The following FRRS1 variants were observed in gnomAD, a reference collection of about 807,000 sequenced individuals.
FRRS1 encodes ferric reductase 1.
FRRS1 carries 51 observed loss-of-function variants against 70.7 expected under a neutral mutation model. The ratio of observed to expected loss-of-function variants is 0.72; its 90% CI spans 0.58 to 0.91. FRRS1 has a LOEUF of 0.91. Ranked by LOEUF, FRRS1 falls within the 40% of genes least tolerant of loss-of-function variation. The pLI is 0.00. For synonymous variants in FRRS1, 225 were observed against 238.7 expected (o/e 0.94, Z 0.53); for missense variants, 672 against 726.0 (o/e 0.93, Z 0.86).
intron 3 of FRRS1, 32 bp downstream of exon 3, chr1:99,748,541 C>A: frequency 3.3e-6 from 5 of 1,531,144 alleles, no homozygotes; most frequent in Admixed American, 1.8e-5. Flanking sequence ...GAGTGAAATC[C>A]AAAATGTAAA....
In FRRS1 at chr1:99,747,743, C is replaced by T. The variant is rs571665965; in HGVS notation, c.197-313G>A. 72 of 202,726 alleles carry T rather than the reference C, an allele frequency of 3.6e-4. 1 individual carries two copies. The South Asian group carries it at 6.5e-3, about 18-fold the overall frequency. 12.6% of individuals were successfully genotyped at this position (202,726 alleles called of 1,614,324 possible). On this transcript the variant is annotated intron_variant, in intron 3 of 16. Transcript: ENST00000646001. ...TAGATGATACCAATTGGGTACTATG[C>T]TTATCACCTGAGTGATGAAATAATC...
rs1655182524 is a variant in FRRS1 at position 99,728,578 on chromosome 1, TC to T, written c.920del (p.Arg307LysfsTer14). On this transcript the variant is annotated frameshift_variant, in exon 9 of 17. Transcript: ENST00000646001. LOFTEE classifies it high-confidence loss of function. Reference sequence around the variant, plus strand: ...TCTTAACTCCAGGAAGGGTAATGTTTCTTCTGAAAGAACACTGCATAACACC... The same window carrying T: ...TCTTAACTCCAGGAAGGGTAATGTTTTTCTGAAAGAACACTGCATAACACC... ...ADGVMQCSFRRNITLPGVKNR... is the reference protein window; with the variant it reads ...ADGVMQCSFRXNITLPGVKNR... The T allele has an allele frequency of 6.2e-7, 1 of 1,613,758 alleles. No homozygotes were observed. The highest frequency in any genetic ancestry group is 8.5e-7 in the Non-Finnish European group (1 of 1,179,776).
chr1:99,755,715 A>G (rs1229486507), intron 1 of FRRS1, among the ~76,000 whole-genome samples: 5 of 152,224 alleles, frequency 3.3e-5, no homozygotes, highest in Non-Finnish European at 5.9e-5. Context: ...CAAGTGAACC[A>G]GAAGACATTC....
chr1:99,720,651 T>C (rs1356524585), intron 9 of FRRS1, among the ~76,000 whole-genome samples: 1 of 152,136 alleles, frequency 6.6e-6, no homozygotes, highest in African/African-American at 2.4e-5. Flanking sequence ...GGGGGAAAAT[T>C]GTCCACCTAG....
At chr1:99,740,210 A>T (rs918679788) in intron 6 of FRRS1, among the ~76,000 whole-genome samples, 4 of 144,326 alleles carry the variant, frequency 2.8e-5, no homozygotes, top group Admixed American at 1.4e-4. Context: ...GGCTGTGTTT[A>T]AAAGAAAGAA....
At chr1:99,726,297 C>T (rs1257880257) in intron 9 of FRRS1, among the ~76,000 whole-genome samples, 2 of 152,196 alleles carry the variant, frequency 1.3e-5, no homozygotes, top group Admixed American at 1.3e-4. Context: ...GGCTGTGGAA[C>T]TGTGAATCAA....
At chr1:99,756,268 G>T (rs1349239437) in intron 1 of FRRS1, among the ~76,000 whole-genome samples, 1 of 152,126 alleles carries the variant, frequency 6.6e-6, no homozygotes, top group African/African-American at 2.4e-5. Context: ...AAGACAGAGA[G>T]ATTTACTATT....
At position 99,707,819 on chromosome 1, in the gene FRRS1, C is replaced by T. The variant is rs938831877; in HGVS notation, c.*1209G>A. Among the ~76,000 whole-genome samples the T allele has an allele frequency of 1.3e-5, 2 of 152,196 alleles. No homozygotes were observed. The highest frequency in any genetic ancestry group is 4.8e-5 in the African/African-American group (2 of 41,458). On this transcript the variant is annotated 3_prime_UTR_variant, in exon 17 of 17. Coordinates refer to ENST00000646001, the MANE Select transcript of FRRS1 (RefSeq NM_001361041.2). Reference sequence around the variant, plus strand: ...TGAATTCTTGAAATAAGGAATATAACACTGACTATTCTGATTCAGTAGAAC... The same window carrying T: ...TGAATTCTTGAAATAAGGAATATAATACTGACTATTCTGATTCAGTAGAAC...
At chr1:99,738,910 A>G (rs551135408) in intron 6 of FRRS1, among the ~76,000 whole-genome samples, 1 of 152,338 alleles carries the variant, frequency 6.6e-6, no homozygotes, top group East Asian at 1.9e-4. Context: ...TTGATAAGGA[A>G]TATAAGACGA....
rs147602455 is a variant in FRRS1, at chr1:99,708,035, C to T, written c.*993G>A. Among the ~76,000 whole-genome samples the T allele has an allele frequency of 2.8e-4, 43 of 152,288 alleles. No homozygotes were observed. Among genetic ancestry groups the T allele is most frequent in the Non-Finnish European group, 4.4e-5 (3 of 68,032 alleles). On this transcript the variant is annotated 3_prime_UTR_variant, in exon 17 of 17. Coordinates refer to ENST00000646001, the MANE Select transcript of FRRS1 (RefSeq NM_001361041.2). ...ATAAAATGCTATTTCATCTCTGTAG[C>T]TGAATACATAAATAGTATCTTTAAG...
rs1347177032 is a variant in FRRS1 at position 99,704,752 on chromosome 1, G to C, written c.*4276C>G. On this transcript the variant is annotated 3_prime_UTR_variant, in exon 17 of 17. Coordinates refer to ENST00000646001, the MANE Select transcript of FRRS1 (RefSeq NM_001361041.2). ...TGTGGATGGGAGCACGCCAGAGGAA[G>C]AGCACACGACAGATCCCAGCATGCC... Among the ~76,000 whole-genome samples, 1 of 152,136 alleles carries C rather than the reference G, an allele frequency of 6.6e-6. No homozygotes were observed. The highest frequency in any genetic ancestry group is 1.5e-5 in the Non-Finnish European group (1 of 68,022).
chr1:99,709,290 G>A, intron 15 of FRRS1, 31 bp from the exon 16 acceptor site: 1 of 1,470,770 alleles, frequency 6.8e-7, no homozygotes, highest in South Asian at 1.1e-5. Context: ...AGTTTTTAAG[G>A]GCAGCGTTAT....
chr1:99,749,184 C>T (rs1450631988), intron 1 of FRRS1, among the ~76,000 whole-genome samples, 183 bp from the exon 2 acceptor site: 1 of 152,136 alleles, frequency 6.6e-6, no homozygotes, highest in African/African-American at 2.4e-5. Flanking sequence ...TACAGGCATG[C>T]GCCACCACAC....
chr1:99,726,387 A>C (rs1348161900), intron 9 of FRRS1, among the ~76,000 whole-genome samples: 1 of 152,208 alleles, frequency 6.6e-6, no homozygotes, highest in Non-Finnish European at 1.5e-5. Context: ...TACAGACACC[A>C]AAAGAAGCAG....
intron 10 of FRRS1, among the ~76,000 whole-genome samples, chr1:99,718,186 AC>A (rs1487860005): frequency 6.6e-6 from 1 of 152,202 alleles, no homozygotes; most frequent in African/African-American, 2.4e-5. Flanking sequence ...CCCCCAAAAC[AC>A]TAAGAGTTTA....
intron 3 of FRRS1, chr1:99,747,638 A>G: frequency 2.0e-6 from 1 of 512,400 alleles, no homozygotes; most frequent in South Asian, 2.6e-5. Context: ...TGAGATATTA[A>G]TAGCCATTCC....
At chr1:99,744,348 G>A (rs1656129367) in intron 4 of FRRS1, among the ~76,000 whole-genome samples, 1 of 152,180 alleles carries the variant, frequency 6.6e-6, no homozygotes, top group Non-Finnish European at 1.5e-5. Flanking sequence ...TGATAATTTA[G>A]AATAAAAGTT....
chr1:99,719,683 A>C lies in FRRS1; in HGVS notation c.1007-36T>G, dbSNP rs757336767. Reference sequence around the variant, plus strand: ...AAAACAAAATTAAACATGACAAAGAATAATTACTTCCTCAAATAAAAAAGG... The same window carrying C: ...AAAACAAAATTAAACATGACAAAGACTAATTACTTCCTCAAATAAAAAAGG... On this transcript the variant is annotated intron_variant, in intron 9 of 16. Transcript: ENST00000646001. 6.5e-6 allele frequency: 7 copies of C among 1,081,626 alleles called. No individual in the cohort carries two copies. The South Asian group carries it at 8.9e-5, about 14-fold the overall frequency. 67.0% of individuals were successfully genotyped at this position (1,081,626 alleles called of 1,614,324 possible). A position where few individuals can be genotyped will look rare whatever the true frequency, so the allele number is the denominator to read the frequency against.
intron 9 of FRRS1, among the ~76,000 whole-genome samples, chr1:99,721,675 T>C (rs1338850038): frequency 6.6e-6 from 1 of 151,440 alleles, no homozygotes; most frequent in African/African-American, 2.4e-5. Flanking sequence ...CTTGGCTCAC[T>C]GCAACCTCTG....
Sources: allele counts gnomAD v4.1 joint callset (sites outside exome capture counted in the v4.1 genomes callset), GRCh38; gene constraint gnomAD v4.1.1; transcripts MANE v1.5; gene names NCBI Gene and HGNC (gene_info 2026-07-23, HGNC 2026-07-21).